Variants in LIN9 observed in about 807,000 individuals in gnomAD.
LIN9 encodes the protein lin-9 DREAM MuvB core complex component.
LIN9 carries 18 observed loss-of-function variants against 78.0 expected under a neutral mutation model. The observed-to-expected ratio is 0.23, with a 90% CI of 0.16 to 0.34. LIN9 has a LOEUF of 0.34. Among genes scored for constraint, LIN9 ranks in the 10% least tolerant of loss-of-function variants. The pLI, the probability that LIN9 is intolerant of heterozygous loss-of-function variation, is 1.00. For synonymous variants in LIN9, 192 were observed against 215.2 expected, an observed-to-expected ratio of 0.89 and a Z score of 0.94; for missense variants, 451 against 644.1, an observed-to-expected ratio of 0.70 and a Z score of 3.25.
chr1:226,277,952 A>G lies in LIN9; in HGVS notation c.525-20T>C, dbSNP rs770012421. 1.3e-6 allele frequency: 2 copies of G among 1,580,680 alleles called. No individual in the cohort carries two copies. Among genetic ancestry groups the G allele is most frequent in the Admixed American group, 1.8e-5 (1 of 56,520 alleles). ...GAACATCTAGAATAAATTATAAAAA[A>G]CATACAAACTGATAACTACCCCATA... On this transcript the variant is annotated intron_variant, in intron 6 of 14. Coordinates refer to ENST00000681046, the MANE Select transcript of LIN9 (RefSeq NM_001366245.2).
intron 1 of LIN9, among the ~76,000 whole-genome samples, chr1:226,307,943 A>G (rs764381752): frequency 2.6e-5 from 4 of 152,212 alleles, no homozygotes; most frequent in Non-Finnish European, 5.9e-5. Flanking sequence ...TTTAAAACAC[A>G]AACACTTTTA....
At chr1:226,284,794 T>C (rs1661296080) in intron 6 of LIN9, among the ~76,000 whole-genome samples, 1 of 152,220 alleles carries the variant, frequency 6.6e-6, no homozygotes. Flanking sequence ...TAATTTAGGA[T>C]GTTGAGTCTT....
intron 7 of LIN9, 63 bp downstream of exon 7, chr1:226,277,708 GAAAC>G: frequency 1.4e-6 from 2 of 1,402,004 alleles, no homozygotes; most frequent in Non-Finnish European, 2.0e-6. Context: ...AAGAACCAAA[GAAAC>G]AAAAAAGATT....
chr1:226,244,294 C>T lies in LIN9; in HGVS notation c.1120-5198G>A, dbSNP rs193185726. Among the ~76,000 whole-genome samples the T allele has an allele frequency of 6.0e-4, 91 of 151,170 alleles. 1 individual carries two copies. The highest frequency in any genetic ancestry group is 1.8e-3 in the African/African-American group (76 of 41,324). ...AAAAATATAAAAAATTAGCCGGGCG[C>T]GGTGGCGCATGCCTGTAATCCCAGC... On this transcript the variant is annotated intron_variant, in intron 11 of 14. Transcript: ENST00000681046.
intron 11 of LIN9, among the ~76,000 whole-genome samples, chr1:226,250,217 G>A (rs1257282085): frequency 1.3e-5 from 2 of 150,798 alleles, no homozygotes; most frequent in African/African-American, 4.9e-5. Context: ...GAATAAAATT[G>A]GCTCTCATTT....
At chr1:226,235,483 C>G (rs6703375) in intron 12 of LIN9, among the ~76,000 whole-genome samples, 2 of 151,722 alleles carry the variant, frequency 1.3e-5, no homozygotes, top group Non-Finnish European at 2.9e-5. Context: ...ATGCTTGGGA[C>G]CAGAAGTGTT....
Position 226,286,858 on chromosome 1 carries a change from G to A in LIN9, c.399-400C>T, listed in dbSNP as rs543269776. ...TCTTGGGACACTGGAGGACTCCAGA[G>A]GGTTAGATTAGCTTGGGGGATCCCA... On this transcript the variant is annotated intron_variant, in intron 5 of 14. Coordinates refer to ENST00000681046, the MANE Select transcript of LIN9 (RefSeq NM_001366245.2). 2.0e-5 allele frequency among the ~76,000 whole-genome samples: 3 copies of A among 152,310 alleles called. No homozygotes were observed. In the South Asian group the frequency reaches 6.2e-4, roughly 32 times the overall value.
intron 11 of LIN9, among the ~76,000 whole-genome samples, chr1:226,240,341 G>A (rs1004883925): frequency 1.2e-4 from 18 of 151,236 alleles, no homozygotes; most frequent in African/African-American, 4.1e-4. Context: ...AGCCTCCCAA[G>A]TAGCTGTGAC....
chr1:226,306,509 G>A (rs78051374), intron 1 of LIN9, among the ~76,000 whole-genome samples: 4,907 of 152,180 alleles, frequency 0.032, 280 homozygotes, highest in African/African-American at 0.11. Flanking sequence ...GAAGAAATGT[G>A]AAACAGGCAA....
At chr1:226,270,828 A>G (rs1660226735) in intron 7 of LIN9, among the ~76,000 whole-genome samples, 1 of 140,414 alleles carries the variant, frequency 7.1e-6, no homozygotes, top group Non-Finnish European at 1.5e-5. Context: ...CTGTCTCAAA[A>G]AAAAAAAAAA....
intron 10 of LIN9, among the ~76,000 whole-genome samples, chr1:226,258,153 A>C (rs1156837304): frequency 6.6e-6 from 1 of 150,932 alleles, no homozygotes; most frequent in African/African-American, 2.4e-5. Context: ...AGCCTAGGCT[A>C]CAGAGGGAGA....
upstream of LIN9, chr1:226,309,296 G>A (rs1663142455): frequency 3.8e-6 from 4 of 1,045,542 alleles, no homozygotes; most frequent in Non-Finnish European, 4.6e-6. Flanking sequence ...GCCCGGCTCC[G>A]CCCGCGCCTG....
chr1:226,299,243 T>G (rs374718374), intron 2 of LIN9, among the ~76,000 whole-genome samples: 148 of 152,098 alleles, frequency 9.7e-4, no homozygotes, highest in African/African-American at 3.5e-3. Context: ...GTGGCTCACA[T>G]CTGTAATCCC....
intron 10 of LIN9, among the ~76,000 whole-genome samples, chr1:226,258,793 A>T (rs555500046): frequency 2.8e-5 from 4 of 145,068 alleles, no homozygotes; most frequent in African/African-American, 7.6e-5. Flanking sequence ...CAGGAGACTG[A>T]GGCAGGAGAA....
At chr1:226,256,885 G>C (rs1362499947) in intron 10 of LIN9, among the ~76,000 whole-genome samples, 1 of 150,892 alleles carries the variant, frequency 6.6e-6, no homozygotes, top group Non-Finnish European at 1.5e-5. Context: ...TTAAGTGAAA[G>C]AAAAATACTT....
chr1:226,297,430 A>G (rs187843000), intron 3 of LIN9, among the ~76,000 whole-genome samples: 37 of 152,308 alleles, frequency 2.4e-4, no homozygotes, highest in African/African-American at 8.7e-4. Flanking sequence ...TGCAGGTACC[A>G]AAGCCATGTA....
chr1:226,289,711 G>C (rs530214508), intron 4 of LIN9, among the ~76,000 whole-genome samples: 1 of 151,884 alleles, frequency 6.6e-6, no homozygotes, highest in African/African-American at 2.4e-5. Flanking sequence ...TGTAGAGATA[G>C]AAAGCCTGAA....
In LIN9 at chr1:226,277,923, A is replaced by C. The variant is rs759898032; in HGVS notation, c.534T>G (p.Ser178=). Residue 178 remains serine (S), a synonymous_variant, in exon 7 of 15, where the codon TCT becomes TCG. Transcript: ENST00000681046. The stretch of plus-strand genomic sequence containing the variant: ...CTGATCTCTCTTCCTCAAAAAATGC[A>C]GAAGAACATCTAGAATAAATTATAA... ...RLMGKPRRCS[S]AFFEEERSAL... The C allele has an allele frequency of 5.0e-6, 8 of 1,610,684 alleles. No individual in the cohort carries two copies. In the Admixed American group the frequency reaches 1.3e-4, roughly 27 times the overall value.
At chr1:226,301,530 G>C (rs1484984128) in intron 1 of LIN9, among the ~76,000 whole-genome samples, 2 of 152,126 alleles carry the variant, frequency 1.3e-5, no homozygotes, top group South Asian at 4.1e-4. Flanking sequence ...GGCGTGCTGT[G>C]GTGCTGGAAG....
Sources: allele counts gnomAD v4.1 joint callset (sites outside exome capture counted in the v4.1 genomes callset), GRCh38; gene constraint gnomAD v4.1.1; transcripts MANE v1.5; gene names NCBI Gene and HGNC (gene_info 2026-07-23, HGNC 2026-07-21).